FRAS1: variants seen among roughly 807,000 people sequenced by gnomAD.
The protein encoded by FRAS1 is extracellular matrix organizing protein FRAS1.
A neutral mutation model predicts 435.2 loss-of-function variants in FRAS1; 290 were observed. The observed-to-expected ratio is 0.67, with a 90% CI of 0.61 to 0.73. The LOEUF (loss-of-function observed/expected upper bound fraction) is 0.73. Ranked by LOEUF, FRAS1 falls within the 30% of genes least tolerant of loss-of-function variation. FRAS1 has a pLI of 0.00. For missense variants in FRAS1, 4,860 were observed against 5,001.5 expected, an observed-to-expected ratio of 0.97 and a Z score of 0.85; for synonymous variants, 1,800 against 1,851.0, an observed-to-expected ratio of 0.97 and a Z score of 0.71.
At chr4:78,376,999 T>A (rs927608444) in intron 26 of FRAS1, among the ~76,000 whole-genome samples, 3 of 151,708 alleles carry the variant, frequency 2.0e-5, no homozygotes, top group Non-Finnish European at 2.9e-5. Flanking sequence ...GTCTCAAAAA[T>A]AATAATAATA....
In FRAS1 at chr4:78,057,549, GCC is replaced by G; in HGVS notation, c.-460_-459del. 6.4e-6 allele frequency: 1 copy of G among 157,302 alleles called. No individual in the cohort carries two copies. The highest frequency in any genetic ancestry group is 1.4e-5 in the Non-Finnish European group (1 of 71,544). 9.7% of individuals were successfully genotyped at this position (157,302 alleles called of 1,614,324 possible). ...CGGCGACCCGCGGTGCCGACGCAACGCCGACGTATGGTGCCAAGCGAACTTTA... is the reference window on the plus strand; with the variant it reads ...CGGCGACCCGCGGTGCCGACGCAACGGACGTATGGTGCCAAGCGAACTTTA... On this transcript the variant is annotated 5_prime_UTR_variant, in exon 1 of 74. The change creates a premature stop within an existing upstream ORF in the 5' untranslated region. Coordinates refer to ENST00000512123, the MANE Select transcript of FRAS1 (RefSeq NM_025074.7). The surrounding 1 kb of genome is among the most constrained non-coding windows in gnomAD (Gnocchi z 4.2).
intron 22 of FRAS1, among the ~76,000 whole-genome samples, chr4:78,367,704 G>A (rs1731332045): frequency 6.6e-6 from 1 of 151,984 alleles, no homozygotes; most frequent in Non-Finnish European, 1.5e-5. Flanking sequence ...TGTACAGTTG[G>A]TTTTAGAACA....
At chr4:78,499,501 T>C (rs1720612272) in intron 60 of FRAS1, among the ~76,000 whole-genome samples, 1 of 152,230 alleles carries the variant, frequency 6.6e-6, no homozygotes, top group South Asian at 2.1e-4. Context: ...ATAAGGAACA[T>C]GTGAGACACA....
chr4:78,189,586 T>C (rs1722436578), intron 2 of FRAS1, among the ~76,000 whole-genome samples: 1 of 152,246 alleles, frequency 6.6e-6, no homozygotes, highest in African/African-American at 2.4e-5. Flanking sequence ...CCCAAACTTT[T>C]AGGGATGTAG....
chr4:78,375,994 G>T, intron 26 of FRAS1, 115 bp downstream of exon 26: 1 of 1,242,390 alleles, frequency 8.0e-7, no homozygotes, highest in African/African-American at 1.5e-5. Context: ...TCCCAATTTG[G>T]GAAAACCCAT....
At chr4:78,535,971 G>A (rs1468796839) in intron 71 of FRAS1, among the ~76,000 whole-genome samples, 1 of 152,152 alleles carries the variant, frequency 6.6e-6, no homozygotes, top group Non-Finnish European at 1.5e-5. Context: ...GAATTAGCCA[G>A]ATTTGTGCTA....
intron 2 of FRAS1, among the ~76,000 whole-genome samples, chr4:78,132,514 T>C (rs1719729920): frequency 6.6e-6 from 1 of 152,136 alleles, no homozygotes; most frequent in African/African-American, 2.4e-5. Context: ...TATTACAGAA[T>C]TGTAAGCACC....
chr4:78,094,133 C>T (rs1333422958), intron 2 of FRAS1, among the ~76,000 whole-genome samples: 13 of 94,376 alleles, frequency 1.4e-4, no homozygotes, highest in African/African-American at 5.4e-4. Context: ...TTTTTTGCAA[C>T]TGTAAAAATG....
At chr4:78,117,732 A>T (rs1425703887) in intron 2 of FRAS1, among the ~76,000 whole-genome samples, 1 of 152,154 alleles carries the variant, frequency 6.6e-6, no homozygotes, top group Non-Finnish European at 1.5e-5. Flanking sequence ...CCATTCATCT[A>T]ATTTTTTTTT....
chr4:78,412,717 A>G (rs1226148345), intron 31 of FRAS1, among the ~76,000 whole-genome samples: 1 of 152,226 alleles, frequency 6.6e-6, no homozygotes, highest in African/African-American at 2.4e-5. Context: ...GTGAAATTCT[A>G]GATGATTTTT....
chr4:78,266,882 CG>C lies in FRAS1; in HGVS notation c.740del (p.Gly247ValfsTer13). 6.2e-7 allele frequency: 1 copy of C among 1,608,438 alleles called. No individual in the cohort carries two copies. Among genetic ancestry groups the C allele is most frequent in the South Asian group, 1.1e-5 (1 of 89,386 alleles). On this transcript the variant is annotated frameshift_variant, in exon 8 of 74. Transcript: ENST00000512123. LOFTEE classifies it high-confidence loss of function. The part of the protein sequence containing the change: ...ENACTTCICD[R>X]GEVRCHKQAC... ...TGCCTGCACCACGTGTATATGTGAC[CG>C]GGGTGAGGTCAGGTGTCACAAGCAG...
intron 70 of FRAS1, among the ~76,000 whole-genome samples, chr4:78,530,732 G>T (rs1216881671): frequency 6.6e-6 from 1 of 152,126 alleles, no homozygotes; most frequent in African/African-American, 2.4e-5. Flanking sequence ...TGCTGTTTTG[G>T]TTACTGTAGC....
intron 2 of FRAS1, among the ~76,000 whole-genome samples, chr4:78,100,847 C>T (rs1393177223): frequency 6.6e-6 from 1 of 152,134 alleles, no homozygotes; most frequent in South Asian, 2.1e-4. Flanking sequence ...GAGGCTAAGG[C>T]AATTTCCTGG....
chr4:78,225,159 A>G (rs1724216986), intron 2 of FRAS1, among the ~76,000 whole-genome samples: 1 of 152,170 alleles, frequency 6.6e-6, no homozygotes, highest in African/African-American at 2.4e-5. Context: ...GCATGGTGCT[A>G]AGGAATCTCA....
chr4:78,460,279 A>T (rs927815347), intron 47 of FRAS1, among the ~76,000 whole-genome samples: 8 of 152,204 alleles, frequency 5.3e-5, no homozygotes, highest in Non-Finnish European at 1.2e-4. Context: ...CTGGCCCTCC[A>T]GGGGAATTGG....
In FRAS1 at chr4:78,216,608, GT is replaced by G. The variant is rs1723778936; in HGVS notation, c.109-20901del. On this transcript the variant is annotated intron_variant, in intron 2 of 73. Transcript: ENST00000512123. ...TCTCATTCCACAGATATCTGCAGTT[GT>G]GGGCCCTGGCAGTTCAGCAGTAAAC... Among the ~76,000 whole-genome samples, 3 of 152,334 alleles carry G rather than the reference GT, an allele frequency of 2.0e-5. No individual in the cohort carries two copies. The East Asian group carries it at 5.8e-4, about 29-fold the overall frequency.
chr4:78,187,764 C>T (rs976794805), intron 2 of FRAS1, among the ~76,000 whole-genome samples: 14 of 151,964 alleles, frequency 9.2e-5, no homozygotes, highest in African/African-American at 2.7e-4. Context: ...CTATCACACC[C>T]GGCTAATTTT....
intron 2 of FRAS1, among the ~76,000 whole-genome samples, chr4:78,076,059 T>C (rs1367638722): frequency 6.6e-6 from 1 of 152,188 alleles, no homozygotes; most frequent in African/African-American, 2.4e-5. Flanking sequence ...TAGTATATTG[T>C]TGGAGATGAG....
intron 2 of FRAS1, among the ~76,000 whole-genome samples, chr4:78,212,098 A>G (rs2110085906): frequency 6.6e-6 from 1 of 152,292 alleles, no homozygotes; most frequent in Middle Eastern, 3.4e-3. Context: ...TTCATCTTTC[A>G]TCTGTTGAAG....
Sources: gnomAD v4.1 joint callset for allele counts (sites outside exome capture counted in the v4.1 genomes callset) on GRCh38, gnomAD v4.1.1 for gene constraint, Gnocchi (gnomAD v3.1) non-coding constraint, MANE v1.5 for transcripts, NCBI Gene and HGNC (gene_info 2026-07-23, HGNC 2026-07-21) for gene names.